TSNARE1: variants seen among roughly 807,000 people sequenced by gnomAD.
The protein encoded by TSNARE1 is t-SNARE domain containing 1.
A neutral mutation model predicts 62.0 loss-of-function variants in TSNARE1; 49 were observed. That is an observed-to-expected ratio of 0.79 (90% CI 0.63 to 1.00). TSNARE1 has a LOEUF of 1.00. Ranked by LOEUF, TSNARE1 falls within the 50% of genes least tolerant of loss-of-function variation. TSNARE1 has a pLI of 0.00. For missense variants in TSNARE1, 755 were observed against 700.1 expected (o/e 1.08, Z -0.88); for synonymous variants, 328 against 294.4 (o/e 1.11, Z -1.17).
intron 11 of TSNARE1, chr8:142,278,152 T>G: frequency 1.0e-6 from 1 of 985,136 alleles, no homozygotes; most frequent in Non-Finnish European, 1.2e-6. Flanking sequence ...CAAGGCCTAG[T>G]GCCCAGGCCC....
intron 6 of TSNARE1, among the ~76,000 whole-genome samples, chr8:142,329,345 C>A (rs1213640112): frequency 6.6e-6 from 1 of 152,196 alleles, no homozygotes; most frequent in African/African-American, 2.4e-5. Flanking sequence ...ACGCTGGGGT[C>A]CCCTCTCCTC....
At chr8:142,237,480 G>A (rs1184023645) in intron 12 of TSNARE1, among the ~76,000 whole-genome samples, 4 of 152,200 alleles carry the variant, frequency 2.6e-5, no homozygotes, top group East Asian at 1.9e-4. Flanking sequence ...AGGGGCCCCC[G>A]TGAGTGCACA....
chr8:142,344,484 C>T lies in TSNARE1; in HGVS notation c.239-12G>A. On this transcript the variant is annotated splice_polypyrimidine_tract_variant and intron_variant, in intron 3 of 13. Coordinates refer to ENST00000524325, the MANE Select transcript of TSNARE1 (RefSeq NM_145003.5). ...GGCAACCCCAGGCCCTGGAAAGGCA[C>T]CAAAAGGCGGATGTTTAAGGCCCTG... The T allele has an allele frequency of 6.6e-7, 1 of 1,515,036 alleles. No individual in the cohort carries two copies. The allele number at this position is 1,515,036 out of a possible 1,614,324, so 93.8% of individuals were successfully genotyped here. A position where few individuals can be genotyped will look rare whatever the true frequency, so the allele number is the denominator to read the frequency against.
chr8:142,223,035 T>C (rs111206366), intron 13 of TSNARE1, among the ~76,000 whole-genome samples: 229 of 6,850 alleles, frequency 0.033, 12 homozygotes, highest in African/African-American at 0.066. Flanking sequence ...CACTCACTCA[T>C]TCACTCACTC....
At chr8:142,278,792 G>A in intron 11 of TSNARE1, 2 of 985,452 alleles carry the variant, frequency 2.0e-6, no homozygotes, top group South Asian at 9.4e-5. Context: ...CACGTGTGGG[G>A]CTTCCAAGTG....
intron 7 of TSNARE1, among the ~76,000 whole-genome samples, chr8:142,317,922 C>T (rs1424716895): frequency 2.0e-5 from 3 of 152,162 alleles, no homozygotes; most frequent in Non-Finnish European, 2.9e-5. Context: ...CATGCCACTG[C>T]ACTTCAGCCT....
intron 1 of TSNARE1, among the ~76,000 whole-genome samples, chr8:142,383,420 C>T (rs1044167631): frequency 1.1e-4 from 16 of 150,168 alleles, no homozygotes; most frequent in African/African-American, 3.9e-4. Context: ...CCCAAGCACA[C>T]CCAGGACAGA....
intron 13 of TSNARE1, among the ~76,000 whole-genome samples, chr8:142,222,699 T>C (rs201131927): frequency 1.4e-3 from 15 of 10,828 alleles, no homozygotes; most frequent in Non-Finnish European, 2.5e-3. Context: ...CACTCACTCA[T>C]CCACTCACTC....
intron 11 of TSNARE1, chr8:142,279,754 T>A (rs988093402): frequency 2.1e-6 from 1 of 479,130 alleles, no homozygotes; most frequent in African/African-American, 2.1e-5. Flanking sequence ...CCTCGGAGGG[T>A]CTCCCTCTTG....
At chr8:142,296,795 C>T (rs1023043661) in intron 10 of TSNARE1, among the ~76,000 whole-genome samples, 11 of 151,690 alleles carry the variant, frequency 7.3e-5, no homozygotes, top group African/African-American at 2.2e-4. Flanking sequence ...TGGGTCTCGG[C>T]GGTCCCCACA....
intron 1 of TSNARE1, among the ~76,000 whole-genome samples, chr8:142,397,408 T>G (rs72614031): frequency 0.059 from 8,970 of 152,240 alleles, 460 homozygotes; most frequent in East Asian, 0.27. Context: ...GACACAATGC[T>G]GCCCACCTCC....
chr8:142,372,819 T>C (rs1836007512), intron 1 of TSNARE1, among the ~76,000 whole-genome samples: 1 of 147,922 alleles, frequency 6.8e-6, no homozygotes, highest in Non-Finnish European at 1.5e-5. Context: ...ACCCCACCAG[T>C]GTTGTTTCCT....
intron 12 of TSNARE1, among the ~76,000 whole-genome samples, chr8:142,240,490 A>G (rs539653513): frequency 6.6e-6 from 1 of 152,334 alleles, no homozygotes; most frequent in Non-Finnish European, 1.5e-5. Context: ...CAAAGTTAAC[A>G]AGCTTGATTT....
At chr8:142,403,907 C>T (rs75368817), upstream of TSNARE1, 3,610 of 152,400 alleles carry the variant, frequency 0.024, 49 homozygotes, top group East Asian at 0.047. Context: ...CCCTCGCTCT[C>T]CCGGTGACCT....
intron 9 of TSNARE1, among the ~76,000 whole-genome samples, chr8:142,302,025 G>C (rs1370966850): frequency 6.6e-6 from 1 of 152,192 alleles, no homozygotes; most frequent in African/African-American, 2.4e-5. Flanking sequence ...TGCCACGCCG[G>C]CCACTGCTAC....
chr8:142,396,536 T>C (rs889061411), intron 1 of TSNARE1, among the ~76,000 whole-genome samples: 3 of 152,214 alleles, frequency 2.0e-5, no homozygotes, highest in African/African-American at 4.8e-5. Context: ...AGTGCAGTAA[T>C]TGCCATTATT....
At position 142,300,409 on chromosome 8, in the gene TSNARE1, C is replaced by T. The variant is rs570060502; in HGVS notation, c.1290+77G>A. The T allele has an allele frequency of 1.9e-5, 28 of 1,497,104 alleles. No individual in the cohort carries two copies. The Admixed American group carries it at 4.8e-4, about 26-fold the overall frequency. The allele number at this position is 1,497,104 out of a possible 1,614,324, so 92.7% of individuals were successfully genotyped here. A position where few individuals can be genotyped will look rare whatever the true frequency, so the allele number is the denominator to read the frequency against. ...CAAGGGCAAGCAATGGTGCAGCAGG[C>T]TGGCACCTGGGCTCCTCTGGTTCCC... On this transcript the variant is annotated intron_variant, in intron 10 of 13. Transcript: ENST00000524325.
intron 12 of TSNARE1, chr8:142,247,488 GTGAATAACT>G (rs1300087738): frequency 2.0e-5 from 3 of 152,236 alleles, no homozygotes; most frequent in Non-Finnish European, 2.9e-5. Flanking sequence ...TATTTTGGAA[GTGAATAACT>G]TGTTTGATTT....
In TSNARE1 at chr8:142,317,295, G is replaced by A. The variant is rs111242925; in HGVS notation, c.984+1249C>T. ...GCGGCTCACACTGTACGCGTGAAGC[G>A]GGTATGGCCAGCGGCTCACACTGTA... On this transcript the variant is annotated intron_variant, in intron 7 of 13. Coordinates refer to ENST00000524325, the MANE Select transcript of TSNARE1 (RefSeq NM_145003.5). Among the ~76,000 whole-genome samples, 4 of 121,414 alleles carry A rather than the reference G, an allele frequency of 3.3e-5. 1 individual carries two copies. The highest frequency in any genetic ancestry group is 5.2e-4 in the East Asian group (2 of 3,822). The allele number at this position is 121,414 out of a possible 152,430, so 79.7% of individuals were successfully genotyped here.
Sources: allele counts gnomAD v4.1 joint callset (sites outside exome capture counted in the v4.1 genomes callset), GRCh38; gene constraint gnomAD v4.1.1; transcripts MANE v1.5; gene names NCBI Gene and HGNC (gene_info 2026-07-23, HGNC 2026-07-21).